Variants in EP400 observed in about 807,000 individuals in gnomAD.
EP400 encodes the protein E1A-binding protein p400.
In EP400, 105 loss-of-function variants were observed where a neutral mutation model predicts 354.1. The observed-to-expected ratio is 0.30, with a 90% confidence interval of 0.25 to 0.35. The LOEUF is 0.35. EP400 is among the 10% of genes least tolerant of loss of function. The probability of loss-of-function intolerance (pLI) is 1.00; values close to 1 mark genes in which losing one functional copy is unlikely to be tolerated. For synonymous variants in EP400, 1,646 were observed against 1,716.9 expected, an observed-to-expected ratio of 0.96 and a Z score of 1.02; for missense variants, 3,280 against 4,121.0, an observed-to-expected ratio of 0.80 and a Z score of 5.59.
intron 32 of EP400, among the ~76,000 whole-genome samples, chr12:132,039,185 A>G (rs1374340434): frequency 6.6e-6 from 1 of 152,184 alleles, no homozygotes; most frequent in Non-Finnish European, 1.5e-5. Context: ...CAGTTACTGA[A>G]TAAGTAAGAA....
At chr12:132,069,467 C>T (rs201367333) in intron 50 of EP400, 28 bp from the exon 51 acceptor site, 32 of 1,609,938 alleles carry the variant, frequency 2.0e-5, no homozygotes, top group African/African-American at 1.1e-4. Context: ...ATGGTCTCTG[C>T]GGCCCTAATT....
In EP400 at chr12:132,025,847, C is replaced by T. The variant is rs1894286609; in HGVS notation, c.5014+43C>T. 2.0e-6 allele frequency: 3 copies of T among 1,528,086 alleles called. No homozygotes were observed. In the Admixed American group the frequency reaches 6.6e-5, roughly 33 times the overall value. 94.7% of individuals were successfully genotyped at this position (1,528,086 alleles called of 1,614,324 possible). On this transcript the variant is annotated intron_variant, in intron 25 of 52. Coordinates refer to ENST00000389561, the MANE Select transcript of EP400 (RefSeq NM_015409.5). The surrounding 1 kb of genome is among the most constrained non-coding windows in gnomAD (Gnocchi z 4.1). ...GGAGGGAGACTTGGCTTGGATGCTT[C>T]TTTCTCTTCCATCTAAGGCGAGTGG...
Position 132,050,845 on chromosome 12 carries a change from C to A in EP400, c.7394+190C>A. The A allele has an allele frequency of 1.5e-6, 1 of 648,788 alleles. No homozygotes were observed. The highest frequency in any genetic ancestry group is 1.8e-5 in the South Asian group (1 of 54,366). 40.2% of individuals were successfully genotyped at this position (648,788 alleles called of 1,614,324 possible). On this transcript the variant is annotated intron_variant, in intron 41 of 52. Coordinates refer to ENST00000389561, the MANE Select transcript of EP400 (RefSeq NM_015409.5). This position sits in a 1 kb window ranked among gnomAD's most constrained non-coding sequence, Gnocchi z 4.8. ...TGGGCTAGGGTATGCATAGGACGGC[C>A]CCTGCCCTGTCTCTGTGTTACAGGG...
rs1333201440 is a variant in EP400 at position 132,006,168 on chromosome 12, T to A, written c.2992T>A (p.Ser998Thr). 6.2e-7 allele frequency: 1 copy of A among 1,614,146 alleles called. No homozygotes were observed. Among genetic ancestry groups the A allele is most frequent in the Non-Finnish European group, 8.5e-7 (1 of 1,180,062 alleles). The change falls in exon 14 of 53, where the codon TCG (serine) becomes ACG (threonine). Residue 998 changes from serine to threonine, a missense_variant. Physicochemically the swap from Ser to Thr is moderately conservative, Grantham distance 58. This residue lies in a region of EP400 where 800 missense variants were observed against 840.0 expected (regional missense o/e 0.95). Transcript: ENST00000389561. ...TCGCAAGGACTTGGTTCTCATCGAC[T>A]CGCTTTTCATCATGGATCAGTTCAA... ...ESRKDLVLID[S>T]LFIMDQFKAA...
At chr12:131,991,566 CCTTT>C in intron 10 of EP400, 110 bp downstream of exon 10, 1 of 939,010 alleles carries the variant, frequency 1.1e-6, no homozygotes, top group South Asian at 1.5e-5. Flanking sequence ...ACTATTACTT[CCTTT>C]CTTTTCTTTT....
rs985726588 is a variant in EP400 at position 131,994,645 on chromosome 12, G to A, written c.2738-222G>A. Among the ~76,000 whole-genome samples the A allele has an allele frequency of 6.6e-6, 1 of 152,228 alleles. No individual in the cohort carries two copies. The highest frequency in any genetic ancestry group is 1.5e-5 in the Non-Finnish European group (1 of 68,034). ...TGTTGGCCTGAAGAAGGTCTGCCAT[G>A]TGTGGAAAAACCAGGGCTGTCATTC... On this transcript the variant is annotated intron_variant, in intron 11 of 52. Coordinates refer to ENST00000389561, the MANE Select transcript of EP400 (RefSeq NM_015409.5). This position sits in a 1 kb window ranked among gnomAD's most constrained non-coding sequence, Gnocchi z 4.6.
chr12:132,054,432 C>T lies in EP400; in HGVS notation c.7729-542C>T, dbSNP rs1483664136. Among the ~76,000 whole-genome samples the T allele has an allele frequency of 2.0e-5, 3 of 152,220 alleles. No individual in the cohort carries two copies. Among genetic ancestry groups the T allele is most frequent in the Non-Finnish European group, 4.4e-5 (3 of 68,046 alleles). On this transcript the variant is annotated intron_variant, in intron 43 of 52. Transcript: ENST00000389561. This position sits in a 1 kb window ranked among gnomAD's most constrained non-coding sequence, Gnocchi z 4.0. Reference sequence around the variant, plus strand: ...GGGCAGTGCCCACATTCTGGAGCCACGTCCTACAGGGGAGGGAGGCAGCCA... The same window carrying T: ...GGGCAGTGCCCACATTCTGGAGCCATGTCCTACAGGGGAGGGAGGCAGCCA...
intron 41 of EP400, among the ~76,000 whole-genome samples, chr12:132,051,480 C>T (rs1281809121): frequency 6.6e-6 from 1 of 152,168 alleles, no homozygotes; most frequent in Non-Finnish European, 1.5e-5. Context: ...TGAGCCATCT[C>T]CAGTGATAGG....
At chr12:132,008,195 G>A (rs1893648995) in intron 15 of EP400, among the ~76,000 whole-genome samples, 1 of 152,212 alleles carries the variant, frequency 6.6e-6, no homozygotes, top group Non-Finnish European at 1.5e-5. Flanking sequence ...TGATCCGCCT[G>A]CCTTGACCTT....
At chr12:132,073,232 T>C (rs1398975949) in intron 51 of EP400, among the ~76,000 whole-genome samples, 2 of 149,552 alleles carry the variant, frequency 1.3e-5, no homozygotes, top group African/African-American at 4.9e-5. Flanking sequence ...CCTTCTCTTT[T>C]TTTTTTTTTT....
At chr12:132,071,691 G>A (rs1273209437) in intron 51 of EP400, among the ~76,000 whole-genome samples, 1 of 152,154 alleles carries the variant, frequency 6.6e-6, no homozygotes, top group East Asian at 1.9e-4. Flanking sequence ...GGGTGTGGGG[G>A]TGTGGATGTC....
chr12:132,018,082 C>T lies in EP400; in HGVS notation c.4111-128C>T, dbSNP rs1009174929. The T allele has an allele frequency of 1.4e-4, 163 of 1,149,738 alleles. No homozygotes were observed. The highest frequency in any genetic ancestry group is 1.8e-4 in the Non-Finnish European group (147 of 807,054). 71.2% of individuals were successfully genotyped at this position (1,149,738 alleles called of 1,614,324 possible). A position where few individuals can be genotyped will look rare whatever the true frequency, so the allele number is the denominator to read the frequency against. On this transcript the variant is annotated intron_variant, in intron 20 of 52. Coordinates refer to ENST00000389561, the MANE Select transcript of EP400 (RefSeq NM_015409.5). The surrounding 1 kb of genome is among the most constrained non-coding windows in gnomAD (Gnocchi z 4.0). The stretch of plus-strand genomic sequence containing the variant: ...ATTGGCACGGAGGAGGGTCTGCTTG[C>T]CGAGTGGCCGTTAGAGGGGGCGCGT...
intron 1 of EP400, among the ~76,000 whole-genome samples, chr12:131,958,261 C>T (rs1377587100): frequency 2.0e-5 from 3 of 152,196 alleles, no homozygotes; most frequent in African/African-American, 7.2e-5. Flanking sequence ...CTGTCCCCTG[C>T]ACCCACTCTG....
At chr12:131,985,423 C>T (rs369023976) in intron 5 of EP400, among the ~76,000 whole-genome samples, 4 of 152,144 alleles carry the variant, frequency 2.6e-5, no homozygotes, top group Non-Finnish European at 4.4e-5. Context: ...AGCAGACCCA[C>T]GTCGTGGGAC....
intron 47 of EP400, 90 bp from the exon 48 acceptor site, chr12:132,064,578 G>A: frequency 1.3e-6 from 2 of 1,506,172 alleles, no homozygotes; most frequent in Non-Finnish European, 1.8e-6. Context: ...TATTTAATGG[G>A]CAGTAGAGGG....
At chr12:132,028,351 T>A (rs1894376854) in intron 27 of EP400, 63 bp downstream of exon 27, 1 of 1,576,998 alleles carries the variant, frequency 6.3e-7, no homozygotes, top group African/African-American at 1.3e-5. Flanking sequence ...GCAAGACCCC[T>A]TCTTGTCTCG....
intron 12 of EP400, among the ~76,000 whole-genome samples, chr12:132,001,448 A>G (rs1030878506): frequency 1.3e-5 from 2 of 152,228 alleles, no homozygotes; most frequent in Non-Finnish European, 2.9e-5. Flanking sequence ...AGCCACGTGT[A>G]CAGGATGGAA....
intron 48 of EP400, chr12:132,065,448 C>T (rs1895858672): frequency 6.4e-6 from 1 of 156,690 alleles, no homozygotes; most frequent in African/African-American, 2.4e-5. Flanking sequence ...GTGACAGCTG[C>T]CCTGTTGGAG....
Position 132,027,585 on chromosome 12 carries a change from G to A in EP400, c.5109+54G>A. 1 of 1,436,440 alleles carries A rather than the reference G, an allele frequency of 7.0e-7. No individual in the cohort carries two copies. The highest frequency in any genetic ancestry group is 9.5e-7 in the Non-Finnish European group (1 of 1,054,078). The allele number at this position is 1,436,440 out of a possible 1,614,324, so 89.0% of individuals were successfully genotyped here. ...CACGTGGACAGGTAGCTTTCCAAGA[G>A]CTGCTCGTTGTGTTTGGTTGTGATA... On this transcript the variant is annotated intron_variant, in intron 26 of 52. Transcript: ENST00000389561. This position sits in a 1 kb window ranked among gnomAD's most constrained non-coding sequence, Gnocchi z 4.9.
Sources: allele counts gnomAD v4.1 joint callset (sites outside exome capture counted in the v4.1 genomes callset), GRCh38; gene constraint gnomAD v4.1.1; regional missense constraint gnomAD v4.1.1; non-coding constraint Gnocchi (gnomAD v3.1); transcripts MANE v1.5; gene names NCBI Gene and HGNC (gene_info 2026-07-23, HGNC 2026-07-21).